The following MEGF10 variants were observed in gnomAD, a reference collection of about 807,000 sequenced individuals.
MEGF10 encodes multiple epidermal growth factor-like domains protein 10.
In MEGF10, 86 loss-of-function variants were observed where a neutral mutation model predicts 147.5. That is an observed-to-expected ratio of 0.58 (90% CI 0.49 to 0.70). The LOEUF (loss-of-function observed/expected upper bound fraction) is 0.70, where lower values mean the gene tolerates loss of function less well. MEGF10 is among the 30% of genes least tolerant of loss of function. The pLI is 0.00. For synonymous variants in MEGF10, 478 were observed against 525.5 expected (o/e 0.91, Z 1.24); for missense variants, 1,329 against 1,487.3 (o/e 0.89, Z 1.75).
Position 127,360,958 on chromosome 5 carries a change from G to A in MEGF10, c.320-8952G>A, listed in dbSNP as rs1762450522. 3.3e-5 allele frequency among the ~76,000 whole-genome samples: 5 copies of A among 151,718 alleles called. No individual in the cohort carries two copies. The South Asian group carries it at 1.0e-3, about 32-fold the overall frequency. ...ATTTAATTCACTAAAATTTTGTTTAGAATCTTTGCACCTATGTGAGTGATA... is the reference window on the plus strand; with the variant it reads ...ATTTAATTCACTAAAATTTTGTTTAAAATCTTTGCACCTATGTGAGTGATA... On this transcript the variant is annotated intron_variant, in intron 4 of 24. Coordinates refer to ENST00000503335, the MANE Select transcript of MEGF10 (RefSeq NM_001256545.2).
chr5:127,246,267 A>G, the MEGF10 span, among the ~76,000 whole-genome samples: 1 of 152,214 alleles, frequency 6.6e-6, no homozygotes, highest in African/African-American at 2.4e-5. Context: ...ATAGACTACT[A>G]TGCAGCCGTA....
rs145371679 is a variant in MEGF10 at position 127,429,926 on chromosome 5, G to A, written c.1694-3437G>A. Among the ~76,000 whole-genome samples, 215 of 152,182 alleles carry A rather than the reference G, an allele frequency of 1.4e-3. 1 individual carries two copies. Among genetic ancestry groups the A allele is most frequent in the African/African-American group, 5.0e-3 (207 of 41,506 alleles). On this transcript the variant is annotated intron_variant, in intron 13 of 24. Coordinates refer to ENST00000503335, the MANE Select transcript of MEGF10 (RefSeq NM_001256545.2). ...GGAGGTTCACACTCTATAGCATGGC[G>A]CTCTTGGCTCAACTCAACTTGGCCA...
chr5:127,316,891 C>T (rs1283328132), intron 1 of MEGF10, among the ~76,000 whole-genome samples: 1 of 152,120 alleles, frequency 6.6e-6, no homozygotes, highest in Non-Finnish European at 1.5e-5. Context: ...AGCCAGGGAG[C>T]TCTTCTAAAA....
Position 127,435,463 on chromosome 5 carries a change from G to C in MEGF10, c.2078G>C (p.Gly693Ala). ...GACAGATCTTGTCAGTGTTACCCCG[G>C]TTGGATTGGCAGTGACTGCTCTCAA... ...PIDRSCQCYP[G>A]WIGSDCSQPC... is the part of the protein sequence containing the mutation. The change falls in exon 16 of 25, where the codon GGT (glycine) becomes GCT (alanine). Residue 693 changes from glycine (G) to alanine (A), a missense_variant. Transcript: ENST00000503335. 1.2e-6 allele frequency: 2 copies of C among 1,613,980 alleles called. No homozygotes were observed. The highest frequency in any genetic ancestry group is 8.5e-7 in the Non-Finnish European group (1 of 1,179,952).
At chr5:127,354,658 G>A (rs966235247) in intron 4 of MEGF10, among the ~76,000 whole-genome samples, 1 of 152,200 alleles carries the variant, frequency 6.6e-6, no homozygotes, top group Non-Finnish European at 1.5e-5. Flanking sequence ...GATAGCAACC[G>A]AGGCTCCTGA....
chr5:127,302,190 A>G (rs968060774), intron 1 of MEGF10, among the ~76,000 whole-genome samples: 3 of 152,364 alleles, frequency 2.0e-5, no homozygotes, highest in African/African-American at 7.2e-5. Flanking sequence ...TACAACAGCC[A>G]AAACTATTAT....
chr5:127,448,389 C>T (rs1306685853), intron 21 of MEGF10, among the ~76,000 whole-genome samples: 1 of 152,150 alleles, frequency 6.6e-6, no homozygotes, highest in Non-Finnish European at 1.5e-5. Flanking sequence ...GTGTCTAGAA[C>T]CCAGAGCTGC....
chr5:127,300,631 A>C (rs1759725478), intron 1 of MEGF10, among the ~76,000 whole-genome samples: 1 of 152,204 alleles, frequency 6.6e-6, no homozygotes, highest in Admixed American at 6.5e-5. Context: ...CTTCAATAAA[A>C]AATTCAAAAA....
At chr5:127,354,660 G>C (rs1762211882) in intron 4 of MEGF10, among the ~76,000 whole-genome samples, 1 of 152,144 alleles carries the variant, frequency 6.6e-6, no homozygotes, top group Non-Finnish European at 1.5e-5. Context: ...TAGCAACCGA[G>C]GCTCCTGAAT....
chr5:127,372,609 G>C (rs925070751), intron 5 of MEGF10, among the ~76,000 whole-genome samples: 2 of 152,138 alleles, frequency 1.3e-5, no homozygotes, highest in Non-Finnish European at 2.9e-5. Context: ...GTCTTTCCTT[G>C]TTTTCATGAC....
At chr5:127,422,286 T>C (rs1765040441) in intron 12 of MEGF10, among the ~76,000 whole-genome samples, 1 of 152,046 alleles carries the variant, frequency 6.6e-6, no homozygotes, top group Non-Finnish European at 1.5e-5. Context: ...TTTGGGAGGC[T>C]GAGGCGAGTG....
chr5:127,332,379 A>T (rs1761295683), intron 2 of MEGF10, among the ~76,000 whole-genome samples: 1 of 152,180 alleles, frequency 6.6e-6, no homozygotes, highest in South Asian at 2.1e-4. Context: ...CAAACTCTTG[A>T]TCTTCAGCAC....
chr5:127,264,525 G>A, the MEGF10 span, among the ~76,000 whole-genome samples: 1 of 152,120 alleles, frequency 6.6e-6, no homozygotes, highest in East Asian at 1.9e-4. Context: ...TCAGCTGCAG[G>A]CAAGGTTGGA....
At chr5:127,340,747 T>G (rs1195399223) in intron 4 of MEGF10, 117 bp downstream of exon 4, 8 of 746,652 alleles carry the variant, frequency 1.1e-5, no homozygotes, top group Non-Finnish European at 1.8e-5. Flanking sequence ...ACATTCCTTT[T>G]CCCTCTGGTT....
chr5:127,451,221 C>T (rs77200034), intron 22 of MEGF10, among the ~76,000 whole-genome samples: 3,924 of 152,296 alleles, frequency 0.026, 49 homozygotes, highest in East Asian at 0.045. Flanking sequence ...TGACTGCTCC[C>T]CTTAAACACT....
Position 127,434,830 on chromosome 5 carries a change from C to G in MEGF10, c.1975+9C>G, listed in dbSNP as rs755204236. ...CGCCCTCTGCAATGAAGGTAAGGCACGAAGCATCCCGGACAGCTGGGTGGT... is the reference window on the plus strand; with the variant it reads ...CGCCCTCTGCAATGAAGGTAAGGCAGGAAGCATCCCGGACAGCTGGGTGGT... On this transcript the variant is annotated intron_variant, in intron 15 of 24. Transcript: ENST00000503335. 1.2e-6 allele frequency: 2 copies of G among 1,610,274 alleles called. No individual in the cohort carries two copies. The highest frequency in any genetic ancestry group is 1.7e-5 in the Admixed American group (1 of 59,890).
chr5:127,290,294 G>A (rs117293531), upstream of MEGF10, among the ~76,000 whole-genome samples: 1 of 151,930 alleles, frequency 6.6e-6, no homozygotes, highest in African/African-American at 2.4e-5. Context: ...ACATTCTCTG[G>A]CACGGCTTAA....
chr5:127,330,357 T>G (rs1024867598), intron 1 of MEGF10, among the ~76,000 whole-genome samples: 5 of 152,170 alleles, frequency 3.3e-5, no homozygotes, highest in African/African-American at 1.2e-4. Flanking sequence ...CACAATGGCT[T>G]ATGAAACCCA....
At chr5:127,440,963 C>G (rs1765736280) in intron 18 of MEGF10, 96 bp downstream of exon 18, 1 of 1,493,938 alleles carries the variant, frequency 6.7e-7, no homozygotes, top group Non-Finnish European at 9.1e-7. Flanking sequence ...ATTCACCACT[C>G]CGAGGTTGTT....
Sources: gnomAD v4.1 joint callset for allele counts (sites outside exome capture counted in the v4.1 genomes callset) on GRCh38, gnomAD v4.1.1 for gene constraint, MANE v1.5 for transcripts, NCBI Gene and HGNC (gene_info 2026-07-23, HGNC 2026-07-21) for gene names.